Variants in PRKX observed in about 807,000 individuals in gnomAD.
PRKX encodes protein kinase cAMP-dependent X-linked catalytic subunit.
A neutral mutation model predicts 22.0 loss-of-function variants in PRKX; 12 were observed. That is an observed-to-expected ratio of 0.54 (90% confidence interval 0.35 to 0.88). PRKX has a LOEUF of 0.88. Among genes scored for constraint, PRKX ranks in the 40% least tolerant of loss-of-function variants. The pLI is 0.01. For synonymous variants in PRKX, 134 were observed against 137.7 expected (o/e 0.97, Z 0.19); for missense variants, 217 against 308.0 (o/e 0.70, Z 2.21).
At chrX:3,692,582 C>T (rs2146606126) in intron 1 of PRKX, among the ~76,000 whole-genome samples, 1 of 101,731 alleles carries the variant, frequency 9.8e-6, no homozygotes. Flanking sequence ...GGCTGGAGTG[C>T]AGTGGCGCGA....
At chrX:3,658,058 T>C (rs1927516718) in intron 2 of PRKX, among the ~76,000 whole-genome samples, 1 of 109,380 alleles carries the variant, frequency 9.1e-6, no homozygotes, top group Non-Finnish European at 1.9e-5. Flanking sequence ...CGGTGCAATC[T>C]CGGCTCACTG....
In PRKX at chrX:3,686,403, A is replaced by ATT. The variant is rs757799598; in HGVS notation, c.167-11639_167-11638dup. Among the ~76,000 whole-genome samples, 588 of 96,980 alleles carry ATT rather than the reference A, an allele frequency of 6.1e-3. 7 individuals carry two copies. Among genetic ancestry groups the ATT allele is most frequent in the East Asian group, 0.021 (64 of 2,979 alleles). The allele number at this position is 96,980 out of a possible 115,157, so 84.2% of individuals were successfully genotyped here. Reference sequence around the variant, plus strand: ...TACGATCCCAGAATGAAAGCTGATGATTTTTTTTTTTTTTTTGGACATGGG... The same window carrying ATT: ...TACGATCCCAGAATGAAAGCTGATGATTTTTTTTTTTTTTTTTTGGACATGGG... On this transcript the variant is annotated intron_variant, in intron 1 of 8. Coordinates refer to ENST00000262848, the MANE Select transcript of PRKX (RefSeq NM_005044.5).
chrX:3,645,371 C>A (rs982994640), intron 3 of PRKX, among the ~76,000 whole-genome samples: 16 of 111,216 alleles, frequency 1.4e-4, no homozygotes, highest in African/African-American at 5.2e-4. Context: ...TCTTAATGCC[C>A]ACGCCTTCCG....
chrX:3,636,844 G>C (rs1425750856), intron 4 of PRKX, among the ~76,000 whole-genome samples: 1 of 110,581 alleles, frequency 9.0e-6, no homozygotes, highest in Non-Finnish European at 1.9e-5. Context: ...CTGGGTGACA[G>C]AGCGAGACAA....
intron 1 of PRKX, among the ~76,000 whole-genome samples, chrX:3,711,707 G>T (rs1193646843): frequency 9.0e-6 from 1 of 111,013 alleles, no homozygotes; most frequent in Non-Finnish European, 1.9e-5. Context: ...GATTAGACCA[G>T]GACAGCTTTC....
At chrX:3,687,192 T>C (rs1341570597) in intron 1 of PRKX, among the ~76,000 whole-genome samples, 11 of 109,769 alleles carry the variant, frequency 1.0e-4, no homozygotes, top group African/African-American at 3.7e-4. Flanking sequence ...GCTAATTTTG[T>C]TTTTGAGATC....
Position 3,613,150 on chromosome X carries a change from CAAAAAAAAAAAAA to C in PRKX, c.952-838_952-826del, listed in dbSNP as rs528688936. On this transcript the variant is annotated intron_variant, in intron 7 of 8. Coordinates refer to ENST00000262848, the MANE Select transcript of PRKX (RefSeq NM_005044.5). ...TGGGCAACGGAGCAAGACTTCGTCT[CAAAAAAAAAAAAA>C]AAAAAAAAAAAAAAAAAAAAAAAAT... 6.1e-4 allele frequency among the ~76,000 whole-genome samples: 33 copies of C among 54,318 alleles called. 1 individual carries two copies. In the South Asian group the frequency reaches 6.4e-3, roughly 10 times the overall value. 47.2% of individuals were successfully genotyped at this position (54,318 alleles called of 115,157 possible).
chrX:3,634,618 G>A (rs1026558798), intron 4 of PRKX, among the ~76,000 whole-genome samples: 1 of 111,671 alleles, frequency 9.0e-6, no homozygotes, highest in Non-Finnish European at 1.9e-5. Context: ...AGGGAGGAGA[G>A]GCCAGCAGCC....
chrX:3,688,759 C>T (rs1013295095), intron 1 of PRKX, among the ~76,000 whole-genome samples: 1 of 108,835 alleles, frequency 9.2e-6, no homozygotes, highest in African/African-American at 3.4e-5. Context: ...GTCCCAGCTA[C>T]TCATGAGGCA....
intron 3 of PRKX, among the ~76,000 whole-genome samples, chrX:3,651,936 T>C (rs984263167): frequency 8.9e-6 from 1 of 111,977 alleles, no homozygotes; most frequent in African/African-American, 3.2e-5. Flanking sequence ...TCAGTGTAGT[T>C]ACCAAAAATC....
At chrX:3,683,579 G>GT (rs1928115590) in intron 1 of PRKX, among the ~76,000 whole-genome samples, 1 of 112,289 alleles carries the variant, frequency 8.9e-6, no homozygotes, top group Non-Finnish European at 1.9e-5. Context: ...GCTCACGCTT[G>GT]TAAGTCCAGC....
Position 3,605,563 on chromosome X carries a change from G to GAAC in PRKX, c.*3403_*3405dup, listed in dbSNP as rs1349840357. On this transcript the variant is annotated 3_prime_UTR_variant, in exon 9 of 9. Transcript: ENST00000262848. ...CATGTAGGTCAAACACAGAAATGGC[G>GAAC]AACACATCCCAAACCACTCAACTGT... 89 of 112,660 alleles carry GAAC rather than the reference G, an allele frequency of 7.9e-4. No homozygotes were observed. Among genetic ancestry groups the GAAC allele is most frequent in the African/African-American group, 2.7e-3 (84 of 31,011 alleles). The allele number at this position is 112,660 out of a possible 1,213,427, so 9.3% of individuals were successfully genotyped here.
chrX:3,670,396 C>T (rs1222341014), intron 2 of PRKX, among the ~76,000 whole-genome samples: 1 of 111,832 alleles, frequency 8.9e-6, no homozygotes, highest in Non-Finnish European at 1.9e-5. Context: ...TTCTTAAAGC[C>T]ACTTGGTCCC....
intron 3 of PRKX, 126 bp from the exon 4 acceptor site, chrX:3,642,097 G>T: frequency 1.2e-6 from 1 of 849,243 alleles, no homozygotes; most frequent in East Asian, 3.2e-5. Context: ...ACCCTCCTGT[G>T]CACATATTTT....
At position 3,678,861 on chromosome X, in the gene PRKX, G is replaced by C. The variant is rs150527601; in HGVS notation, c.167-4095C>G. On this transcript the variant is annotated intron_variant, in intron 1 of 8. Coordinates refer to ENST00000262848, the MANE Select transcript of PRKX (RefSeq NM_005044.5). Reference sequence around the variant, plus strand: ...ATTTGTAGCCTTCTCTGCAGCTAAGGGTGGCCATCTGACCCAGCTTTGCCC... The same window carrying C: ...ATTTGTAGCCTTCTCTGCAGCTAAGCGTGGCCATCTGACCCAGCTTTGCCC... Among the ~76,000 whole-genome samples, 82 of 111,129 alleles carry C rather than the reference G, an allele frequency of 7.4e-4. 1 individual carries two copies. In the East Asian group the frequency reaches 0.021, roughly 29 times the overall value.
chrX:3,637,089 G>A (rs1277965199), intron 4 of PRKX, among the ~76,000 whole-genome samples: 1 of 96,575 alleles, frequency 1.0e-5, no homozygotes, highest in Admixed American at 1.1e-4. Context: ...GAGGGAGGGA[G>A]AGAGGAAGGA....
At chrX:3,700,400 A>C (rs1367404533) in intron 1 of PRKX, among the ~76,000 whole-genome samples, 3 of 112,291 alleles carry the variant, frequency 2.7e-5, no homozygotes, top group African/African-American at 9.7e-5. Context: ...TCTATTCTCA[A>C]AATAAAATCC....
intron 1 of PRKX, among the ~76,000 whole-genome samples, chrX:3,705,206 G>GGA (rs1161641369): frequency 1.8e-5 from 2 of 111,044 alleles, no homozygotes; most frequent in African/African-American, 6.5e-5. Flanking sequence ...AGTTTGGTGG[G>GGA]GACCGGCTTT....
At chrX:3,661,954 T>C (rs781302840) in intron 2 of PRKX, among the ~76,000 whole-genome samples, 1 of 112,245 alleles carries the variant, frequency 8.9e-6, no homozygotes, top group Admixed American at 9.4e-5. Context: ...CTGTACATAC[T>C]AGCCTCAGCA....
Sources: allele counts gnomAD v4.1 joint callset (sites outside exome capture counted in the v4.1 genomes callset), GRCh38; gene constraint gnomAD v4.1.1; transcripts MANE v1.5; gene names NCBI Gene and HGNC (gene_info 2026-07-23, HGNC 2026-07-21).